Variants in HIBADH observed in about 807,000 individuals in gnomAD.
HIBADH encodes 3-hydroxyisobutyrate dehydrogenase.
A neutral mutation model predicts 36.1 loss-of-function variants in HIBADH; 25 were observed. The observed-to-expected ratio is 0.69, with a 90% CI of 0.50 to 0.97. The LOEUF (loss-of-function observed/expected upper bound fraction) is 0.97. HIBADH is among the 50% of genes least tolerant of loss of function. HIBADH has a pLI of 0.00. For missense variants in HIBADH, 421 were observed against 418.0 expected (o/e 1.01, Z -0.06); for synonymous variants, 160 against 149.5 (o/e 1.07, Z -0.51).
intron 4 of HIBADH, among the ~76,000 whole-genome samples, chr7:27,624,033 G>A (rs1237705570): frequency 2.6e-5 from 4 of 152,168 alleles, no homozygotes; most frequent in South Asian, 2.1e-4. Context: ...CCTGAGCTCA[G>A]GTGATCCACC....
chr7:27,655,058 G>A (rs1402094986), intron 1 of HIBADH, among the ~76,000 whole-genome samples: 2 of 152,044 alleles, frequency 1.3e-5, no homozygotes, highest in African/African-American at 4.8e-5. Flanking sequence ...TATACTTTAT[G>A]TACAACTTAT....
chr7:27,530,592 A>G (rs1783980831), intron 7 of HIBADH, among the ~76,000 whole-genome samples: 1 of 152,228 alleles, frequency 6.6e-6, no homozygotes, highest in Admixed American at 6.5e-5. Context: ...TAAGCACTGC[A>G]GAAATCTGAA....
At chr7:27,554,224 G>A (rs991961456) in intron 4 of HIBADH, among the ~76,000 whole-genome samples, 1 of 152,222 alleles carries the variant, frequency 6.6e-6, no homozygotes, top group Middle Eastern at 3.2e-3. Context: ...GACCTCAGGT[G>A]ATCCACTTGC....
At chr7:27,581,854 A>G (rs1344878182) in intron 4 of HIBADH, among the ~76,000 whole-genome samples, 1 of 152,228 alleles carries the variant, frequency 6.6e-6, no homozygotes, top group East Asian at 1.9e-4. Flanking sequence ...ACAAAAAAAA[A>G]ACCCAATTCA....
At chr7:27,543,867 G>C (rs1784195681) in intron 4 of HIBADH, among the ~76,000 whole-genome samples, 1 of 152,112 alleles carries the variant, frequency 6.6e-6, no homozygotes, top group Non-Finnish European at 1.5e-5. Context: ...AATGATTGGA[G>C]AAAGAACCTT....
In HIBADH at chr7:27,555,918, G is replaced by A. The variant is rs75566027; in HGVS notation, c.485-12818C>T. ...AACCTGTTAGGGTCACATGATCAAG[G>A]GTAGCCAACTGCATTTCTTTCCTTG... is the stretch of plus-strand genomic sequence containing the variant. On this transcript the variant is annotated intron_variant, in intron 4 of 7. Coordinates refer to ENST00000265395, the MANE Select transcript of HIBADH (RefSeq NM_152740.4). Among the ~76,000 whole-genome samples the A allele has an allele frequency of 5.3e-3, 809 of 152,110 alleles. 1 individual carries two copies. The highest frequency in any genetic ancestry group is 9.1e-3 in the Non-Finnish European group (621 of 68,004).
At chr7:27,549,893 T>TTTAA (rs1181230263) in intron 4 of HIBADH, among the ~76,000 whole-genome samples, 2 of 152,142 alleles carry the variant, frequency 1.3e-5, no homozygotes, top group African/African-American at 4.8e-5. Context: ...TTATTCACTA[T>TTTAA]TACTTAGCAT....
chr7:27,562,756 C>T lies in HIBADH; in HGVS notation c.485-19656G>A, dbSNP rs142513931. Reference sequence around the variant, plus strand: ...TATGGGTATGAGCCACCACACTCAGCCTTTGCCATTTCTTTTCATATCTCA... The same window carrying T: ...TATGGGTATGAGCCACCACACTCAGTCTTTGCCATTTCTTTTCATATCTCA... On this transcript the variant is annotated intron_variant, in intron 4 of 7. Transcript: ENST00000265395. Among the ~76,000 whole-genome samples, 11 of 152,264 alleles carry T rather than the reference C, an allele frequency of 7.2e-5. No individual in the cohort carries two copies. The East Asian group carries it at 2.1e-3, about 29-fold the overall frequency.
At chr7:27,623,148 C>CA (rs1252613589) in intron 4 of HIBADH, among the ~76,000 whole-genome samples, 1 of 152,122 alleles carries the variant, frequency 6.6e-6, no homozygotes, top group Admixed American at 6.6e-5. Context: ...GAATGAAGGA[C>CA]AAAAACCGTA....
intron 4 of HIBADH, among the ~76,000 whole-genome samples, chr7:27,601,652 T>C (rs1411925688): frequency 6.6e-6 from 1 of 152,102 alleles, no homozygotes; most frequent in East Asian, 1.9e-4. Flanking sequence ...AAAGCTGTCC[T>C]GTGTACTCAT....
intron 2 of HIBADH, among the ~76,000 whole-genome samples, chr7:27,645,483 A>G (rs1050656837): frequency 3.4e-5 from 5 of 148,006 alleles, no homozygotes; most frequent in African/African-American, 1.0e-4. Context: ...GGTTCAAGCA[A>G]TTCTCCCACC....
chr7:27,543,596 C>T lies in HIBADH; in HGVS notation c.485-496G>A, dbSNP rs920608686. ...TAAGTGAGATCTACAAAGAGGGAGA[C>T]CTGGCTCTTTGTTCCTTAAACAAGT... On this transcript the variant is annotated intron_variant, in intron 4 of 7. Transcript: ENST00000265395. Among the ~76,000 whole-genome samples the T allele has an allele frequency of 3.4e-4, 52 of 152,122 alleles. 1 individual carries two copies.
intron 4 of HIBADH, among the ~76,000 whole-genome samples, chr7:27,627,203 T>C (rs952992695): frequency 2.0e-5 from 3 of 152,154 alleles, no homozygotes; most frequent in African/African-American, 7.2e-5. Context: ...TACCCAAGAA[T>C]TGCTTATGGT....
chr7:27,660,643 CGACA>C (rs1032733824), intron 1 of HIBADH, among the ~76,000 whole-genome samples: 11 of 148,190 alleles, frequency 7.4e-5, no homozygotes, highest in Admixed American at 2.0e-4. Context: ...CTAGCCTGGG[CGACA>C]GACAAAGACT....
intron 4 of HIBADH, among the ~76,000 whole-genome samples, chr7:27,553,150 T>C (rs1784342196): frequency 6.6e-6 from 1 of 152,192 alleles, no homozygotes; most frequent in Non-Finnish European, 1.5e-5. Context: ...AAGCTGAGAT[T>C]CTTCAAAATA....
intron 5 of HIBADH, among the ~76,000 whole-genome samples, 155 bp downstream of exon 5, chr7:27,542,812 G>T (rs768675207): frequency 1.3e-5 from 2 of 152,062 alleles, no homozygotes; most frequent in East Asian, 1.9e-4. Flanking sequence ...CACCAGGAAT[G>T]ATGCAAAACT....
chr7:27,639,437 G>A (rs1785919490), intron 2 of HIBADH, among the ~76,000 whole-genome samples: 1 of 152,110 alleles, frequency 6.6e-6, no homozygotes, highest in African/African-American at 2.4e-5. Context: ...GAGACTACCT[G>A]AGGGGGGAGG....
At chr7:27,552,000 G>GCGACATT (rs1323895807) in intron 4 of HIBADH, among the ~76,000 whole-genome samples, 1 of 152,210 alleles carries the variant, frequency 6.6e-6, no homozygotes, top group South Asian at 2.1e-4. Flanking sequence ...TTGTTTACCA[G>GCGACATT]CGACATTCGC....
chr7:27,568,514 G>C (rs1421607716), intron 4 of HIBADH, among the ~76,000 whole-genome samples: 1 of 152,036 alleles, frequency 6.6e-6, no homozygotes, highest in Non-Finnish European at 1.5e-5. Flanking sequence ...TTGGAGTACA[G>C]TGGTATGATC....
Sources: allele counts gnomAD v4.1 joint callset (sites outside exome capture counted in the v4.1 genomes callset), GRCh38; gene constraint gnomAD v4.1.1; transcripts MANE v1.5; gene names NCBI Gene and HGNC (gene_info 2026-07-23, HGNC 2026-07-21).